Variants in NOTCH1 observed in about 807,000 individuals in gnomAD.
The protein encoded by NOTCH1 is notch receptor 1.
A neutral mutation model predicts 254.8 loss-of-function variants in NOTCH1; 37 were observed. The observed-to-expected ratio is 0.15, with a 90% CI of 0.11 to 0.19. The LOEUF is 0.19. NOTCH1 is among the 10% of genes least tolerant of loss of function. The pLI is 1.00. For missense variants in NOTCH1, 2,972 were observed against 3,708.6 expected, an observed-to-expected ratio of 0.80 and a Z score of 5.16; for synonymous variants, 1,731 against 1,618.1, an observed-to-expected ratio of 1.07 and a Z score of -1.68.
intron 2 of NOTCH1, among the ~76,000 whole-genome samples, chr9:136,525,337 A>G (rs1461706099): frequency 2.6e-5 from 4 of 151,840 alleles, no homozygotes; most frequent in Non-Finnish European, 4.4e-5. Flanking sequence ...TGCCCCCCCC[A>G]GCCACCTGCT....
At chr9:136,512,209 T>C (rs949670906) in intron 15 of NOTCH1, among the ~76,000 whole-genome samples, 8 of 152,228 alleles carry the variant, frequency 5.3e-5, no homozygotes, top group African/African-American at 1.7e-4. Context: ...CCTCACTGAC[T>C]GACACAGGAG....
At chr9:136,508,531 C>G (rs1843126541) in intron 19 of NOTCH1, 146 bp from the exon 20 acceptor site, 4 of 1,170,370 alleles carry the variant, frequency 3.4e-6, no homozygotes, top group Admixed American at 1.9e-5. Context: ...GACTCCCCAC[C>G]ACCCCCACAC....
intron 9 of NOTCH1, 34 bp from the exon 10 acceptor site, chr9:136,516,128 T>G (rs1372045571): frequency 3.3e-6 from 5 of 1,518,728 alleles, no homozygotes; most frequent in Non-Finnish European, 4.5e-6. Context: ...GGGAGTCATG[T>G]GCAACAGCAC....
chr9:136,541,025 T>G (rs1343803515), intron 2 of NOTCH1, among the ~76,000 whole-genome samples: 1 of 152,158 alleles, frequency 6.6e-6, no homozygotes, highest in East Asian at 1.9e-4. Flanking sequence ...TTGCTCACAC[T>G]GACGGAGCTG....
chr9:136,510,563 T>C (rs1027500921), intron 17 of NOTCH1, 90 bp downstream of exon 17: 1 of 1,501,176 alleles, frequency 6.7e-7, no homozygotes, highest in African/African-American at 1.4e-5. Context: ...CCCTGGGTGC[T>C]TATGGCCAGC....
At chr9:136,502,557 G>A (rs1043634051) in intron 27 of NOTCH1, 69 bp from the exon 28 acceptor site, 30 of 1,023,942 alleles carry the variant, frequency 2.9e-5, no homozygotes, top group African/African-American at 1.8e-4. Flanking sequence ...GCTGGTGGCC[G>A]GGGGGCGGCG....
rs958896828 is a variant in NOTCH1, at chr9:136,500,959, C to T, written c.5639-112G>A. 17 of 1,258,286 alleles carry T rather than the reference C, an allele frequency of 1.4e-5. No individual in the cohort carries two copies. The Admixed American group carries it at 3.0e-4, about 22-fold the overall frequency. The allele number at this position is 1,258,286 out of a possible 1,614,324, so 77.9% of individuals were successfully genotyped here. A position where few individuals can be genotyped will look rare whatever the true frequency, so the allele number is the denominator to read the frequency against. ...GGGGCCACGGTGTGGATGCACCACC[C>T]AGCACTTGGTGGCCCCGTGCACACA... On this transcript the variant is annotated intron_variant, in intron 30 of 33. Transcript: ENST00000651671.
At chr9:136,498,081 C>T (rs1842944684) in intron 33 of NOTCH1, among the ~76,000 whole-genome samples, 1 of 152,168 alleles carries the variant, frequency 6.6e-6, no homozygotes, top group Non-Finnish European at 1.5e-5. Flanking sequence ...CTTCCCAGGC[C>T]TTGATGCCCT....
chr9:136,499,348 A>T (rs761888995), intron 31 of NOTCH1, 89 bp from the exon 32 acceptor site: 2 of 1,534,768 alleles, frequency 1.3e-6, no homozygotes, highest in Non-Finnish European at 1.8e-6. Context: ...GGGAAGCCCC[A>T]CTGTCTTCCG....
rs752038308 is a variant in NOTCH1 at position 136,513,125 on chromosome 9, C to T, written c.2363G>A (p.Cys788Tyr). The T allele has an allele frequency of 6.2e-7, 1 of 1,612,678 alleles. No homozygotes were observed. The highest frequency in any genetic ancestry group is 2.2e-5 in the East Asian group (1 of 44,864). ...TCREGFSGPN[C>Y]QTNINECASN... The stretch of plus-strand genomic sequence containing the variant: ...CGCACACTCGTTGATGTTGGTCTGG[C>T]AGTTGGGACCTGGAGGGAAGGGGAC... The change falls in exon 15 of 34, where the codon TGC becomes TAC. Residue 788 changes from cysteine (C) to tyrosine (Y), a missense_variant. By Grantham distance (194) the Cys-to-Tyr change is radical (BLOSUM62 -2). Transcript: ENST00000651671. The surrounding 1 kb of genome is among the most constrained non-coding windows in gnomAD (Gnocchi z 4.7).
chr9:136,505,867 G>A lies in NOTCH1; in HGVS notation c.4029C>T (p.Ala1343=). The change falls in exon 25 of 34, where the codon GCC becomes GCT. Residue 1343 remains alanine (A), a synonymous_variant. Coordinates refer to ENST00000651671, the MANE Select transcript of NOTCH1 (RefSeq NM_017617.5). ...AGGTACGAGCGTCATTCTCACACGTGGCGCCCTCGAAGCCCTGCCCGAGAG... is the reference window on the plus strand; with the variant it reads ...AGGTACGAGCGTCATTCTCACACGTAGCGCCCTCGAAGCCCTGCCCGAGAG... ...ICKCPAGFEG[A]TCENDARTCG... 6.3e-7 allele frequency: 1 copy of A among 1,591,954 alleles called. No individual in the cohort carries two copies. The highest frequency in any genetic ancestry group is 8.5e-7 in the Non-Finnish European group (1 of 1,177,196).
intron 16 of NOTCH1, 128 bp from the exon 17 acceptor site, chr9:136,510,933 C>A: frequency 2.8e-6 from 4 of 1,406,410 alleles, no homozygotes; most frequent in Non-Finnish European, 3.9e-6. Flanking sequence ...CCAGGACCAT[C>A]CCCTCTCCCC....
rs1589064343 is a variant in NOTCH1 at position 136,513,080 on chromosome 9, T to C, written c.2408A>G (p.Gln803Arg). The change falls in exon 15 of 34, where the codon CAG becomes CGG. Residue 803 changes from glutamine (Q) to arginine (R), a missense_variant. Gln to Arg is a conservative substitution (Grantham distance 43). Around this residue, in one of 8 missense-constraint regions of NOTCH1, gnomAD observed 1,343 missense variants for 1,557.0 expected, o/e 0.86. Transcript: ENST00000651671. The surrounding 1 kb of genome is among the most constrained non-coding windows in gnomAD (Gnocchi z 4.7). The part of the protein sequence containing the change: ...NECASNPCLN[Q>R]GTCIDDVAGY... ...GGCAACGTCGTCAATACACGTGCCC[T>C]GGTTCAGACATGGGTTGGACGCACA... The C allele has an allele frequency of 3.8e-6, 6 of 1,568,674 alleles. No individual in the cohort carries two copies. The highest frequency in any genetic ancestry group is 2.4e-5 in the East Asian group (1 of 41,892).
rs2133318258 is a variant in NOTCH1, at chr9:136,497,238, G to A, written c.6501C>T (p.Ala2167=). The A allele has an allele frequency of 6.2e-7, 1 of 1,612,480 alleles. No homozygotes were observed. The highest frequency in any genetic ancestry group is 8.5e-7 in the Non-Finnish European group (1 of 1,179,940). Residue 2167 remains alanine (A), a synonymous_variant, in exon 34 of 34, where the codon GCC becomes GCT. Coordinates refer to ENST00000651671, the MANE Select transcript of NOTCH1 (RefSeq NM_017617.5). ...KVRKPSSKGL[A]CGSKEAKDLK... The stretch of plus-strand genomic sequence containing the variant: ...GGTCCTTGGCCTCCTTGCTTCCACA[G>A]GCCAGGCCTTTGCTGCTGGGCTTGC...
intron 15 of NOTCH1, among the ~76,000 whole-genome samples, chr9:136,512,006 C>T (rs964299411): frequency 6.6e-6 from 1 of 152,272 alleles, no homozygotes; most frequent in African/African-American, 2.4e-5. Flanking sequence ...GCTGGGGCGA[C>T]TTTCCAGGGC....
In NOTCH1 at chr9:136,519,611, C is replaced by T. The variant is rs371498686; in HGVS notation, c.743-46G>A. ...TCAGCCTCTTCCCTGAGGTCCAGTC[C>T]GGCTCCTGCCTGGACCCCCGACACA... is the stretch of plus-strand genomic sequence containing the variant. On this transcript the variant is annotated intron_variant, in intron 4 of 33. Coordinates refer to ENST00000651671, the MANE Select transcript of NOTCH1 (RefSeq NM_017617.5). 22 of 1,611,820 alleles carry T rather than the reference C, an allele frequency of 1.4e-5. 1 individual carries two copies. The highest frequency in any genetic ancestry group is 8.0e-5 in the African/African-American group (6 of 75,034).
chr9:136,534,119 G>T (rs1843605277), intron 2 of NOTCH1, among the ~76,000 whole-genome samples: 1 of 152,164 alleles, frequency 6.6e-6, no homozygotes, highest in Non-Finnish European at 1.5e-5. Context: ...GGCGGGAGAC[G>T]GGGGAGTCCA....
At chr9:136,518,967 C>T (rs1200463096) in intron 5 of NOTCH1, 143 bp from the exon 6 acceptor site, 1 of 718,580 alleles carries the variant, frequency 1.4e-6, no homozygotes, top group Non-Finnish European at 2.5e-6. Context: ...TAAATCACTC[C>T]TTCCTCTGCA....
chr9:136,522,489 C>T (rs570932946), intron 4 of NOTCH1: 176 of 284,508 alleles, frequency 6.2e-4, no homozygotes, highest in African/African-American at 3.4e-3. Flanking sequence ...ATGGTGCCCC[C>T]GCAGCTCCCA....
Sources: gnomAD v4.1 joint callset for allele counts (sites outside exome capture counted in the v4.1 genomes callset) on GRCh38, gnomAD v4.1.1 for gene constraint, gnomAD v4.1.1 regional missense constraint, Gnocchi (gnomAD v3.1) non-coding constraint, MANE v1.5 for transcripts, NCBI Gene and HGNC (gene_info 2026-07-23, HGNC 2026-07-21) for gene names.